The following PSMC1 variants were observed in gnomAD, a reference collection of about 807,000 sequenced individuals.
PSMC1 encodes proteasome 26S subunit, ATPase 1.
Under a neutral mutation model 49.8 loss-of-function variants are expected in PSMC1, and 5 were observed. The ratio of observed to expected loss-of-function variants is 0.10; its 90% CI spans 0.05 to 0.21. PSMC1 has a LOEUF of 0.21. Ranked by LOEUF, PSMC1 falls within the 10% of genes least tolerant of loss-of-function variation. The probability of loss-of-function intolerance (pLI) is 1.00; values close to 1 mark genes in which losing one functional copy is unlikely to be tolerated. For missense variants in PSMC1, 181 were observed against 535.7 expected (o/e 0.34, Z 6.54); for synonymous variants, 155 against 192.1 (o/e 0.81, Z 1.60).
At chr14:90,261,926 G>T (rs36102793) in intron 3 of PSMC1, among the ~76,000 whole-genome samples, 38 of 151,466 alleles carry the variant, frequency 2.5e-4, no homozygotes, top group African/African-American at 9.2e-4. Flanking sequence ...TAGGCTGGAT[G>T]AAGAAAATGT....
chr14:90,270,221 T>G lies in PSMC1; in HGVS notation c.1057T>G (p.Phe353Val). ...RPGRIDRKIE[F>V]PLPDEKTKKR... ...AGGCCGCATTGACAGGAAGATTGAG[T>G]TCCCCCTGCCTGATGAAAAGACGAA... Residue 353 changes from phenylalanine to valine, a missense_variant, in exon 10 of 11, where the codon TTC (phenylalanine) becomes GTC (valine). Phe to Val is a conservative substitution (Grantham distance 50). This residue lies in a region of PSMC1 where 60 missense variants were observed against 155.5 expected (regional missense o/e 0.39). Coordinates refer to ENST00000261303, the MANE Select transcript of PSMC1 (RefSeq NM_002802.3). 1 of 1,613,496 alleles carries G rather than the reference T, an allele frequency of 6.2e-7. No individual in the cohort carries two copies. Among genetic ancestry groups the G allele is most frequent in the Non-Finnish European group, 8.5e-7 (1 of 1,179,760 alleles).
chr14:90,260,031 T>TA, intron 2 of PSMC1, 84 bp from the exon 3 acceptor site: 1 of 806,208 alleles, frequency 1.2e-6, no homozygotes, highest in Non-Finnish European at 1.9e-6. Context: ...CACCTGAAAA[T>TA]AGATGATGGT....
Position 90,268,318 on chromosome 14 carries a change from T to C in PSMC1, c.786T>C (p.Asp262=). Residue 262 remains aspartate, a synonymous_variant, in exon 8 of 11, where the codon GAT becomes GAC. Transcript: ENST00000261303. The part of the protein sequence containing the change: ...GSELIQKYLG[D]GPKLVRELFR... ...AACTTATTCAGAAGTACCTAGGTGA[T>C]GGGCCCAAACTCGTACGGGAATTGT... is the stretch of plus-strand genomic sequence containing the variant. 1.2e-6 allele frequency: 2 copies of C among 1,613,374 alleles called. No homozygotes were observed. Among genetic ancestry groups the C allele is most frequent in the South Asian group, 1.1e-5 (1 of 91,050 alleles).
At chr14:90,269,666 G>A in intron 9 of PSMC1, 118 bp downstream of exon 9, 1 of 1,186,200 alleles carries the variant, frequency 8.4e-7, no homozygotes, top group Non-Finnish European at 1.2e-6. Context: ...GTGAAACTTA[G>A]GATAATTTAC....
Position 90,269,487 on chromosome 14 carries a change from T to A in PSMC1, c.972T>A (p.Asp324Glu). Residue 324 changes from aspartate to glutamate, a missense_variant, in exon 9 of 11, where the codon GAT becomes GAA. By Grantham distance (45) the Asp-to-Glu change is conservative. Coordinates refer to ENST00000261303, the MANE Select transcript of PSMC1 (RefSeq NM_002802.3). Reference protein sequence around the residue: ...NQLDGFDSRGDVKVIMATNRI... With the variant: ...NQLDGFDSRGEVKVIMATNRI... ...TGGATGGATTTGATTCTAGGGGAGA[T>A]GTGAAAGTTATCATGGCCACAAACC... The A allele has an allele frequency of 1.2e-6, 2 of 1,613,850 alleles. No individual in the cohort carries two copies. Among genetic ancestry groups the A allele is most frequent in the Non-Finnish European group, 1.7e-6 (2 of 1,179,908 alleles).
intron 3 of PSMC1, among the ~76,000 whole-genome samples, chr14:90,262,693 A>G (rs907656435): frequency 6.6e-6 from 1 of 152,020 alleles, no homozygotes; most frequent in Non-Finnish European, 1.5e-5. Context: ...CTGAGGCAGG[A>G]GAATCGCTTG....
At chr14:90,256,702 C>G in intron 1 of PSMC1, 102 bp downstream of exon 1, 2 of 1,508,030 alleles carry the variant, frequency 1.3e-6, no homozygotes, top group Admixed American at 2.0e-5. Context: ...ACTGGGACAG[C>G]CCTCTTCTCC....
chr14:90,262,130 C>A (rs1453123285), intron 3 of PSMC1, among the ~76,000 whole-genome samples: 15 of 108,196 alleles, frequency 1.4e-4, no homozygotes, highest in South Asian at 3.4e-4. Flanking sequence ...TGGGGAACAT[C>A]ACACACTGGG....
intron 7 of PSMC1, among the ~76,000 whole-genome samples, chr14:90,266,416 A>G (rs538243666): frequency 2.0e-5 from 3 of 152,332 alleles, no homozygotes; most frequent in South Asian, 4.1e-4. Flanking sequence ...GGTACCCACA[A>G]TGGAGAGACG....
chr14:90,263,491 T>C lies in PSMC1; in HGVS notation c.279+49T>C, dbSNP rs746803374. 27 of 1,516,616 alleles carry C rather than the reference T, an allele frequency of 1.8e-5. No homozygotes were observed. In the African/African-American group the frequency reaches 3.7e-4, roughly 21 times the overall value. 93.9% of individuals were successfully genotyped at this position (1,516,616 alleles called of 1,614,324 possible). A position where few individuals can be genotyped will look rare whatever the true frequency, so the allele number is the denominator to read the frequency against. On this transcript the variant is annotated intron_variant, in intron 4 of 10. Coordinates refer to ENST00000261303, the MANE Select transcript of PSMC1 (RefSeq NM_002802.3). Reference sequence around the variant, plus strand: ...TTTCTTTTTTACAAATTGAATTCTATAAAATTGTCAACAAATAAATGAAAT... The same window carrying C: ...TTTCTTTTTTACAAATTGAATTCTACAAAATTGTCAACAAATAAATGAAAT...
chr14:90,265,947 T>C (rs1329432053), intron 7 of PSMC1, among the ~76,000 whole-genome samples: 3 of 151,950 alleles, frequency 2.0e-5, no homozygotes, highest in Non-Finnish European at 4.4e-5. Context: ...GGAGCCATAG[T>C]GGAGAAGTGC....
chr14:90,268,169 G>A, intron 7 of PSMC1, 55 bp from the exon 8 acceptor site: 11 of 1,427,924 alleles, frequency 7.7e-6, no homozygotes, highest in Non-Finnish European at 1.0e-5. Context: ...GAGTTTTTAA[G>A]TTAAAATGGC....
At chr14:90,268,196 T>TG in intron 7 of PSMC1, 28 bp from the exon 8 acceptor site, 1 of 1,539,122 alleles carries the variant, frequency 6.5e-7, no homozygotes. Context: ...GGTGTCTTTT[T>TG]TTTTTTTATC....
Position 90,260,150 on chromosome 14 carries a change from T to A in PSMC1, c.93T>A (p.Thr31=), listed in dbSNP as rs1225901238. 6.2e-7 allele frequency: 1 copy of A among 1,610,756 alleles called. No homozygotes were observed. Among genetic ancestry groups the A allele is most frequent in the Non-Finnish European group, 8.5e-7 (1 of 1,179,216 alleles). The change falls in exon 3 of 11, where the codon ACT becomes ACA. Residue 31 remains threonine, a synonymous_variant. Coordinates refer to ENST00000261303, the MANE Select transcript of PSMC1 (RefSeq NM_002802.3). ...AGAAATATGAACCTCCTGTACCAACTAGAGTGGGGAAAAAGAAGAAGAAAA... is the reference window on the plus strand; with the variant it reads ...AGAAATATGAACCTCCTGTACCAACAAGAGTGGGGAAAAAGAAGAAGAAAA... ...KKKKYEPPVP[T]RVGKKKKKTK...
At chr14:90,269,333 T>A in intron 8 of PSMC1, 64 bp from the exon 9 acceptor site, 1 of 1,429,692 alleles carries the variant, frequency 7.0e-7, no homozygotes, top group Non-Finnish European at 9.5e-7. Context: ...AGGTCTTTGC[T>A]GTAATTCCCC....
intron 7 of PSMC1, among the ~76,000 whole-genome samples, chr14:90,266,487 T>G (rs977840617): frequency 3.9e-5 from 6 of 152,216 alleles, no homozygotes; most frequent in African/African-American, 1.4e-4. Flanking sequence ...GCCCCTCATC[T>G]TACAGCTTAG....
intron 1 of PSMC1, among the ~76,000 whole-genome samples, chr14:90,258,752 A>G (rs1158648970): frequency 6.6e-6 from 1 of 152,218 alleles, no homozygotes; most frequent in Non-Finnish European, 1.5e-5. Context: ...AAAATGACGT[A>G]GCTTTCATAG....
At position 90,264,098 on chromosome 14, in the gene PSMC1, A is replaced by G; in HGVS notation, c.523A>G (p.Lys175Glu). 6.2e-7 allele frequency: 1 copy of G among 1,613,396 alleles called. No homozygotes were observed. Among genetic ancestry groups the G allele is most frequent in the Non-Finnish European group, 8.5e-7 (1 of 1,179,852 alleles). ...DDTDPLVTVM[K>E]VEKAPQETYA... ...CACGGATCCCCTGGTCACAGTGATG[A>G]AGGTAGAAAAGGCCCCCCAGGAGAC... The change falls in exon 6 of 11, where the codon AAG (lysine) becomes GAG (glutamate). Residue 175 changes from lysine to glutamate, a missense_variant. Around this residue, in one of 3 missense-constraint regions of PSMC1, gnomAD observed 121 missense variants for 358.6 expected, o/e 0.34. Coordinates refer to ENST00000261303, the MANE Select transcript of PSMC1 (RefSeq NM_002802.3).
At chr14:90,268,806 C>G (rs1194779276) in intron 8 of PSMC1, 1 of 173,088 alleles carries the variant, frequency 5.8e-6, no homozygotes, top group Non-Finnish European at 1.2e-5. Context: ...TGATCTGTAA[C>G]TTGGCTGATG....
Sources: allele counts gnomAD v4.1 joint callset (sites outside exome capture counted in the v4.1 genomes callset), GRCh38; gene constraint gnomAD v4.1.1; regional missense constraint gnomAD v4.1.1; transcripts MANE v1.5; gene names NCBI Gene and HGNC (gene_info 2026-07-23, HGNC 2026-07-21).